LRIF1: variants seen among roughly 807,000 people sequenced by gnomAD.
LRIF1 encodes ligand dependent nuclear receptor interacting factor 1.
In LRIF1, 32 loss-of-function variants were observed where a neutral mutation model predicts 52.7. The ratio of observed to expected loss-of-function variants is 0.61; its 90% CI spans 0.46 to 0.82. LRIF1 has a LOEUF of 0.82. Ranked by LOEUF, LRIF1 falls within the 40% of genes least tolerant of loss-of-function variation. The probability of loss-of-function intolerance (pLI) is 0.00; values close to 1 mark genes in which losing one functional copy is unlikely to be tolerated. For missense variants in LRIF1, 887 were observed against 892.0 expected (o/e 0.99, Z 0.07); for synonymous variants, 323 against 317.4 (o/e 1.02, Z -0.19).
intron 2 of LRIF1, among the ~76,000 whole-genome samples, chr1:110,950,500 T>C (rs968092475): frequency 1.3e-5 from 2 of 152,302 alleles, no homozygotes. Context: ...AATCAGAATT[T>C]ACCTCCTTAC....
chr1:110,878,152 G>A, the LRIF1 span, among the ~76,000 whole-genome samples: 3 of 152,280 alleles, frequency 2.0e-5, no homozygotes, highest in Admixed American at 6.5e-5. Flanking sequence ...TTGTCAGGCC[G>A]ATTTGAGGAT....
Position 110,952,104 on chromosome 1 carries a change from T to C in LRIF1, c.780A>G (p.Pro260=), listed in dbSNP as rs1464994364. The change falls in exon 2 of 4, where the codon CCA becomes CCG. Residue 260 remains proline, a synonymous_variant. Coordinates refer to ENST00000369763, the MANE Select transcript of LRIF1 (RefSeq NM_018372.4). ...YPKPVTEIAK[P]VILNTTQIPK... ...GAATTTGTGTGGTATTTAGTATTAC[T>C]GGCTTTGCTATTTCTGTAACAGGTT... 6 of 1,614,098 alleles carry C rather than the reference T, an allele frequency of 3.7e-6. No homozygotes were observed. Among genetic ancestry groups the C allele is most frequent in the Non-Finnish European group, 4.2e-6 (5 of 1,180,038 alleles).
At chr1:110,921,125 T>A in the LRIF1 span, among the ~76,000 whole-genome samples, 1 of 152,168 alleles carries the variant, frequency 6.6e-6, no homozygotes, top group South Asian at 2.1e-4. Flanking sequence ...TCCCAGACAA[T>A]AACATTTGAA....
rs1658472336 is a variant in LRIF1 at position 110,951,468 on chromosome 1, T to C, written c.1416A>G (p.Leu472=). 6.2e-7 allele frequency: 1 copy of C among 1,614,058 alleles called. No homozygotes were observed. The highest frequency in any genetic ancestry group is 1.3e-5 in the African/African-American group (1 of 74,928). The change falls in exon 2 of 4, where the codon TTA becomes TTG. Residue 472 remains leucine (L), a synonymous_variant. Coordinates refer to ENST00000369763, the MANE Select transcript of LRIF1 (RefSeq NM_018372.4). ...SSNYLKQSKT[L]FTNPIFPVGF... Reference sequence around the variant, plus strand: ...CAACTGGAAAGATTGGATTTGTGAATAAAGTCTTACTCTGTTTTAAGTAGT... The same window carrying C: ...CAACTGGAAAGATTGGATTTGTGAACAAAGTCTTACTCTGTTTTAAGTAGT...
rs373157360 is a variant in LRIF1 at position 110,951,412 on chromosome 1, T to A, written c.1472A>T (p.Lys491Ile). 1.7e-5 allele frequency: 28 copies of A among 1,613,994 alleles called. No homozygotes were observed. Among genetic ancestry groups the A allele is most frequent in the Non-Finnish European group, 2.3e-5 (27 of 1,180,018 alleles). ...GFSTGHNAPR[K>I]VTAVIYARKG... The stretch of plus-strand genomic sequence containing the variant: ...TCTAGCATAAATGACGGCTGTTACT[T>A]TTCTGGGGGCATTGTGTCCTGTACT... The change falls in exon 2 of 4, where the codon AAA (lysine) becomes ATA (isoleucine). Residue 491 changes from lysine to isoleucine, a missense_variant. By Grantham distance (102) the Lys-to-Ile change is moderately radical (BLOSUM62 -3). Coordinates refer to ENST00000369763, the MANE Select transcript of LRIF1 (RefSeq NM_018372.4).
chr1:110,919,118 C>T, the LRIF1 span, among the ~76,000 whole-genome samples: 1 of 152,122 alleles, frequency 6.6e-6, no homozygotes, highest in South Asian at 2.1e-4. Flanking sequence ...AACTAGAAAA[C>T]CAAAGTCAAT....
chr1:110,879,725 T>A, the LRIF1 span, among the ~76,000 whole-genome samples: 2 of 152,134 alleles, frequency 1.3e-5, no homozygotes, highest in Admixed American at 6.5e-5. Context: ...GGTTCTTTTT[T>A]TTTTAACTTA....
the LRIF1 span, among the ~76,000 whole-genome samples, chr1:110,879,687 A>T: frequency 2.0e-5 from 3 of 152,264 alleles, no homozygotes; most frequent in South Asian, 2.1e-4. Flanking sequence ...ATTGGATCAG[A>T]TAAGGCTGAA....
At chr1:110,892,762 T>G in the LRIF1 span, 1 of 468,128 alleles carries the variant, frequency 2.1e-6, no homozygotes, top group South Asian at 3.9e-5. Context: ...CATTTTTATA[T>G]TGCTAATAAT....
At chr1:110,930,183 C>T in the LRIF1 span, among the ~76,000 whole-genome samples, 10 of 151,990 alleles carry the variant, frequency 6.6e-5, no homozygotes, top group Non-Finnish European at 1.3e-4. Flanking sequence ...CAGTCGGCAA[C>T]AGTTCTTCAA....
downstream of LRIF1, chr1:110,944,928 ACT>A (rs1251639539): frequency 1.4e-5 from 2 of 145,856 alleles, no homozygotes; most frequent in African/African-American, 5.1e-5. Context: ...GTATGTTCTC[ACT>A]CTGTCAACCA....
At chr1:110,882,612 G>C in the LRIF1 span, among the ~76,000 whole-genome samples, 1 of 152,038 alleles carries the variant, frequency 6.6e-6, no homozygotes, top group East Asian at 1.9e-4. Flanking sequence ...AAAAAATTCT[G>C]CTGTAATATT....
At chr1:110,900,748 CTCA>C in the LRIF1 span, among the ~76,000 whole-genome samples, 2 of 87,550 alleles carry the variant, frequency 2.3e-5, no homozygotes, top group African/African-American at 3.7e-5. Context: ...TCAGCTCACA[CTCA>C]AAAAAAAAAA....
chr1:110,952,804 CA>C lies in LRIF1; in HGVS notation c.79del (p.Cys27AlafsTer5). On this transcript the variant is annotated frameshift_variant, in exon 2 of 4. Transcript: ENST00000369763. LOFTEE classifies it high-confidence loss of function. The part of the protein sequence containing the change: ...SGNASRCVSG[C>X]MYQVVQTIGS... Reference sequence around the variant, plus strand: ...AATCGTCTGAACTACTTGGTACATGCAGCCTGAAACACTTAAAAGAACATTG... The same window carrying C: ...AATCGTCTGAACTACTTGGTACATGCGCCTGAAACACTTAAAAGAACATTG... 2 of 1,582,430 alleles carry C rather than the reference CA, an allele frequency of 1.3e-6. No individual in the cohort carries two copies.
chr1:110,912,631 A>C, the LRIF1 span, among the ~76,000 whole-genome samples: 1 of 152,214 alleles, frequency 6.6e-6, no homozygotes, highest in Non-Finnish European at 1.5e-5. Context: ...ACGGAGGTGA[A>C]AGATTTCTAC....
At chr1:110,921,660 G>A in the LRIF1 span, among the ~76,000 whole-genome samples, 3 of 152,108 alleles carry the variant, frequency 2.0e-5, no homozygotes, top group Non-Finnish European at 4.4e-5. Flanking sequence ...TAAAGGCAAT[G>A]ACTGACAGAA....
the LRIF1 span, among the ~76,000 whole-genome samples, chr1:110,879,433 G>A: frequency 5.6e-4 from 86 of 152,324 alleles, no homozygotes; most frequent in Non-Finnish European, 1.0e-3. Flanking sequence ...GTGTTCCACA[G>A]AATACTATGT....
At chr1:110,929,212 G>C in the LRIF1 span, among the ~76,000 whole-genome samples, 2 of 152,170 alleles carry the variant, frequency 1.3e-5, no homozygotes, top group Admixed American at 6.5e-5. Context: ...TGTGAATAGT[G>C]CTACAATGAA....
chr1:110,901,954 C>G, the LRIF1 span, among the ~76,000 whole-genome samples: 1 of 152,154 alleles, frequency 6.6e-6, no homozygotes, highest in Non-Finnish European at 1.5e-5. Context: ...TTAACTCTAG[C>G]CTGTCCTTTA....
Sources: gnomAD v4.1 joint callset for allele counts (sites outside exome capture counted in the v4.1 genomes callset) on GRCh38, gnomAD v4.1.1 for gene constraint, MANE v1.5 for transcripts, NCBI Gene and HGNC (gene_info 2026-07-23, HGNC 2026-07-21) for gene names.